CDYL: variants seen among roughly 807,000 people sequenced by gnomAD.
The protein encoded by CDYL is chromodomain Y like.
A neutral mutation model predicts 47.3 loss-of-function variants in CDYL; 8 were observed. That is an observed-to-expected ratio of 0.17 (90% CI 0.10 to 0.31). The LOEUF is 0.31. CDYL is among the 10% of genes least tolerant of loss of function. CDYL has a pLI of 1.00. For synonymous variants in CDYL, 266 were observed against 265.0 expected, an observed-to-expected ratio of 1.00 and a Z score of -0.04; for missense variants, 471 against 701.4, an observed-to-expected ratio of 0.67 and a Z score of 3.71.
chr6:4,895,139 A>G (rs1275102660), intron 2 of CDYL, among the ~76,000 whole-genome samples: 1 of 47,520 alleles, frequency 2.1e-5, no homozygotes, highest in African/African-American at 3.2e-5. Flanking sequence ...GCATGTGTGT[A>G]TATGTATCTA....
At chr6:4,843,083 A>AT (rs1320407472) in intron 1 of CDYL, among the ~76,000 whole-genome samples, 5 of 152,300 alleles carry the variant, frequency 3.3e-5, no homozygotes, top group Non-Finnish European at 7.4e-5. Context: ...TGGATATAAA[A>AT]TTCTTGGCTT....
intron 1 of CDYL, among the ~76,000 whole-genome samples, chr6:4,712,057 C>T (rs1182826942): frequency 1.3e-5 from 2 of 151,942 alleles, no homozygotes; most frequent in African/African-American, 4.8e-5. Flanking sequence ...AGAGCAAGAC[C>T]GTCTCAAAGA....
In CDYL at chr6:4,827,447, A is replaced by G. The variant is rs115620783; in HGVS notation, c.24+50640A>G. Among the ~76,000 whole-genome samples the G allele has an allele frequency of 7.7e-3, 1,169 of 152,216 alleles. 16 individuals carry two copies. Among genetic ancestry groups the G allele is most frequent in the African/African-American group, 0.027 (1,128 of 41,508 alleles). Reference sequence around the variant, plus strand: ...TCCCTTCTCATTTCCTTTTGAATATATAGCTTTTAGATATTTTCTTTGTGG... The same window carrying G: ...TCCCTTCTCATTTCCTTTTGAATATGTAGCTTTTAGATATTTTCTTTGTGG... On this transcript the variant is annotated intron_variant, in intron 1 of 6. Transcript: ENST00000397588.
chr6:4,726,212 C>T (rs757103584), intron 2 of CDYL, among the ~76,000 whole-genome samples: 2 of 152,068 alleles, frequency 1.3e-5, no homozygotes, highest in African/African-American at 4.8e-5. Flanking sequence ...AGTTCAAGAC[C>T]AGCCTGGGCA....
At chr6:4,756,127 C>T (rs879580985) in intron 3 of CDYL, among the ~76,000 whole-genome samples, 1 of 152,160 alleles carries the variant, frequency 6.6e-6, no homozygotes, top group Non-Finnish European at 1.5e-5. Context: ...TCTCTTTCTG[C>T]TTTTAGCTCC....
intron 3 of CDYL, among the ~76,000 whole-genome samples, chr6:4,738,742 T>C (rs190457444): frequency 1.6e-4 from 24 of 152,360 alleles, no homozygotes; most frequent in Admixed American, 1.6e-3. Flanking sequence ...TGCTCTATAG[T>C]AGAGATTAGT....
intron 1 of CDYL, among the ~76,000 whole-genome samples, chr6:4,813,297 T>C (rs1439193640): frequency 1.3e-5 from 2 of 152,236 alleles, no homozygotes; most frequent in Non-Finnish European, 2.9e-5. Flanking sequence ...TGTTTCACCA[T>C]TGAAGTATGA....
At chr6:4,886,588 C>G (rs569159547) in intron 1 of CDYL, among the ~76,000 whole-genome samples, 2 of 152,080 alleles carry the variant, frequency 1.3e-5, no homozygotes, top group South Asian at 4.2e-4. Context: ...TATTATTGAA[C>G]TGTAAGACTT....
intron 2 of CDYL, among the ~76,000 whole-genome samples, chr6:4,909,437 A>G (rs1757339289): frequency 6.6e-6 from 1 of 152,172 alleles, no homozygotes; most frequent in African/African-American, 2.4e-5. Flanking sequence ...AGCAATTGAC[A>G]TCAGTCTTTA....
intron 2 of CDYL, among the ~76,000 whole-genome samples, chr6:4,933,272 T>A (rs1194757722): frequency 6.6e-6 from 1 of 152,190 alleles, no homozygotes; most frequent in Non-Finnish European, 1.5e-5. Context: ...CCTCCCCTGA[T>A]CTAGATGTGC....
At chr6:4,762,263 T>C (rs550258468) in intron 3 of CDYL, among the ~76,000 whole-genome samples, 1 of 152,200 alleles carries the variant, frequency 6.6e-6, no homozygotes, top group East Asian at 1.9e-4. Flanking sequence ...AGCCATGAAA[T>C]TGATTTTAGG....
chr6:4,862,278 A>T (rs907439310), intron 1 of CDYL, among the ~76,000 whole-genome samples: 1 of 152,198 alleles, frequency 6.6e-6, no homozygotes, highest in Non-Finnish European at 1.5e-5. Context: ...AAGAGAGAGG[A>T]AAGTGCTGCT....
intron 2 of CDYL, among the ~76,000 whole-genome samples, chr6:4,930,429 T>C (rs377585017): frequency 6.6e-6 from 1 of 152,346 alleles, no homozygotes; most frequent in East Asian, 1.9e-4. Flanking sequence ...CAGCTATGTC[T>C]GGGTTTCCCA....
chr6:4,931,559 T>C (rs1208060405), intron 2 of CDYL, among the ~76,000 whole-genome samples: 1 of 152,120 alleles, frequency 6.6e-6, no homozygotes, highest in East Asian at 1.9e-4. Context: ...GTGGCATGAT[T>C]GTCTTGAGTA....
At chr6:4,752,385 T>C in intron 3 of CDYL, among the ~76,000 whole-genome samples, 1 of 152,210 alleles carries the variant, frequency 6.6e-6, no homozygotes, top group Non-Finnish European at 1.5e-5. Context: ...TTCTTTCACC[T>C]GCTGGCTTGA....
intron 1 of CDYL, among the ~76,000 whole-genome samples, chr6:4,884,965 T>C (rs1253774497): frequency 6.6e-6 from 1 of 152,158 alleles, no homozygotes; most frequent in Non-Finnish European, 1.5e-5. Context: ...GGCCCAAAAA[T>C]ATTAAATGGA....
intron 3 of CDYL, among the ~76,000 whole-genome samples, chr6:4,750,370 T>A (rs1399495277): frequency 6.6e-6 from 1 of 151,388 alleles, no homozygotes; most frequent in Non-Finnish European, 1.5e-5. Flanking sequence ...GCCCGGCTAA[T>A]TTTTGTATTT....
chr6:4,831,418 G>T (rs1760140393), intron 1 of CDYL, among the ~76,000 whole-genome samples: 1 of 152,110 alleles, frequency 6.6e-6, no homozygotes, highest in Admixed American at 6.5e-5. Flanking sequence ...TGAGAGCTCT[G>T]TTCTGTTCCA....
intron 1 of CDYL, among the ~76,000 whole-genome samples, chr6:4,711,602 T>TTC (rs1388479848): frequency 6.6e-6 from 1 of 151,854 alleles, no homozygotes; most frequent in African/African-American, 2.4e-5. Flanking sequence ...CCCTGAAGAG[T>TTC]TATTCCTTGT....
Sources: allele counts gnomAD v4.1 joint callset (sites outside exome capture counted in the v4.1 genomes callset), GRCh38; gene constraint gnomAD v4.1.1; transcripts MANE v1.5; gene names NCBI Gene and HGNC (gene_info 2026-07-23, HGNC 2026-07-21).